The following CHD9 variants were observed in gnomAD, a reference collection of about 807,000 sequenced individuals.
CHD9 encodes the protein chromodomain helicase DNA binding protein 9.
Under a neutral mutation model 316.1 loss-of-function variants are expected in CHD9, and 77 were observed. That is an observed-to-expected ratio of 0.24 (90% confidence interval 0.20 to 0.29). The LOEUF (loss-of-function observed/expected upper bound fraction) is 0.29. Ranked by LOEUF, CHD9 falls within the 10% of genes least tolerant of loss-of-function variation. The probability of loss-of-function intolerance (pLI) is 1.00; values close to 1 mark genes in which losing one functional copy is unlikely to be tolerated. For synonymous variants in CHD9, 1,129 were observed against 1,158.3 expected, an observed-to-expected ratio of 0.97 and a Z score of 0.51; for missense variants, 2,763 against 3,438.1, an observed-to-expected ratio of 0.80 and a Z score of 4.91.
chr16:53,142,022 G>A (rs1285987364), intron 1 of CHD9, among the ~76,000 whole-genome samples: 3 of 152,058 alleles, frequency 2.0e-5, no homozygotes. Flanking sequence ...TTTGGGAAAG[G>A]AATAAAATAG....
intron 22 of CHD9, among the ~76,000 whole-genome samples, chr16:53,269,786 T>G (rs901916623): frequency 1.3e-5 from 2 of 152,104 alleles, no homozygotes; most frequent in Non-Finnish European, 2.9e-5. Flanking sequence ...AAAGATGACT[T>G]TCTGCCCCAA....
In CHD9 at chr16:53,156,815, C is replaced by T. The variant is rs765686560; in HGVS notation, c.726C>T (p.His242=). The part of the protein sequence containing the change: ...SQTSNPSAHF[H]KCSSHQEGNF... ...CGTCAAATCCTTCAGCACACTTCCACAAGTGTAGCAGTCATCAAGAAGGAA... is the reference window on the plus strand; with the variant it reads ...CGTCAAATCCTTCAGCACACTTCCATAAGTGTAGCAGTCATCAAGAAGGAA... The change falls in exon 2 of 39, where the codon CAC becomes CAT. Residue 242 remains histidine, a synonymous_variant. Coordinates refer to ENST00000447540, the MANE Select transcript of CHD9 (RefSeq NM_001308319.2). 4 of 1,613,812 alleles carry T rather than the reference C, an allele frequency of 2.5e-6. No individual in the cohort carries two copies. In the South Asian group the frequency reaches 4.4e-5, roughly 18 times the overall value.
At chr16:53,124,138 T>A (rs2038866489) in intron 1 of CHD9, among the ~76,000 whole-genome samples, 1 of 152,206 alleles carries the variant, frequency 6.6e-6, no homozygotes, top group Non-Finnish European at 1.5e-5. Context: ...TATGTTTAAC[T>A]TTTTGAAGAA....
intron 33 of CHD9, 118 bp from the exon 34 acceptor site, chr16:53,308,568 C>A (rs2056192546): frequency 1.4e-6 from 1 of 694,244 alleles, no homozygotes; most frequent in Non-Finnish European, 2.5e-6. Flanking sequence ...AAATGAACTT[C>A]TTTGATGTTT....
At chr16:53,181,638 C>CT (rs1006421201) in intron 2 of CHD9, among the ~76,000 whole-genome samples, 6 of 151,968 alleles carry the variant, frequency 3.9e-5, no homozygotes, top group Non-Finnish European at 8.8e-5. Flanking sequence ...AATCAAAGTG[C>CT]TTTTTTAACA....
intron 16 of CHD9, among the ~76,000 whole-genome samples, chr16:53,249,479 G>A (rs966479719): frequency 6.6e-6 from 1 of 152,104 alleles, no homozygotes; most frequent in Non-Finnish European, 1.5e-5. Context: ...AGAGTAACAT[G>A]GATTAAGGAC....
At chr16:53,123,811 T>TA (rs2038854933) in intron 1 of CHD9, among the ~76,000 whole-genome samples, 2 of 152,176 alleles carry the variant, frequency 1.3e-5, no homozygotes, top group South Asian at 4.1e-4. Context: ...CTAATTTTTT[T>TA]AAAATTAAAC....
chr16:53,241,515 C>A (rs2049093442), intron 12 of CHD9, among the ~76,000 whole-genome samples: 1 of 152,210 alleles, frequency 6.6e-6, no homozygotes, highest in African/African-American at 2.4e-5. Flanking sequence ...GCCTTCTTAA[C>A]AACTCCACAT....
chr16:53,136,042 T>C (rs1175042180), intron 1 of CHD9, among the ~76,000 whole-genome samples: 1 of 152,094 alleles, frequency 6.6e-6, no homozygotes, highest in Non-Finnish European at 1.5e-5. Flanking sequence ...GCCTGATAAT[T>C]TATAATTTTT....
chr16:53,205,109 G>A (rs2045795327), intron 2 of CHD9, among the ~76,000 whole-genome samples: 1 of 152,152 alleles, frequency 6.6e-6, no homozygotes, highest in East Asian at 1.9e-4. Context: ...CCCCAAGGCT[G>A]GGATTACAGG....
intron 11 of CHD9, among the ~76,000 whole-genome samples, chr16:53,237,982 C>A (rs556704289): frequency 3.7e-4 from 57 of 152,244 alleles, no homozygotes; most frequent in African/African-American, 1.3e-3. Flanking sequence ...CCCTGAAAGG[C>A]AGAGAACATG....
intron 20 of CHD9, 33 bp downstream of exon 20, chr16:53,263,130 C>T (rs964825080): frequency 9.3e-6 from 14 of 1,501,138 alleles, no homozygotes; most frequent in Non-Finnish European, 1.3e-5. Flanking sequence ...AATAAACTTG[C>T]TTTTGGGATA....
intron 1 of CHD9, chr16:53,130,983 G>T (rs970408379): frequency 6.6e-6 from 1 of 152,592 alleles, no homozygotes; most frequent in Non-Finnish European, 1.5e-5. Context: ...GCGGCGCGGG[G>T]GAGGCGGTGC....
At chr16:53,201,634 G>A (rs2045464329) in intron 2 of CHD9, among the ~76,000 whole-genome samples, 1 of 151,976 alleles carries the variant, frequency 6.6e-6, no homozygotes, top group Non-Finnish European at 1.5e-5. Context: ...TTATTATATA[G>A]CATTTCAAGT....
At chr16:53,236,932 A>G (rs9930191) in intron 11 of CHD9, among the ~76,000 whole-genome samples, 126,077 of 151,592 alleles carry the variant, frequency 0.83, 52,724 homozygotes, top group African/African-American at 0.93. Flanking sequence ...TTCATATTAC[A>G]TTTGTTCTCC....
chr16:53,114,424 AT>A (rs201283084), intron 1 of CHD9, among the ~76,000 whole-genome samples: 4,321 of 151,874 alleles, frequency 0.028, 215 homozygotes, highest in African/African-American at 0.099. Context: ...CACCTGGCTA[AT>A]TTTTGTATTT....
intron 1 of CHD9, among the ~76,000 whole-genome samples, chr16:53,092,113 T>TC (rs922535610): frequency 6.6e-5 from 10 of 151,762 alleles, no homozygotes; most frequent in Admixed American, 2.0e-4. Context: ...GGCAAATACT[T>TC]CCCCCCCAGC....
chr16:53,278,861 A>G (rs1470538884), intron 24 of CHD9, among the ~76,000 whole-genome samples: 1 of 152,186 alleles, frequency 6.6e-6, no homozygotes, highest in Non-Finnish European at 1.5e-5. Context: ...AGGAAACAAC[A>G]GGTGCTGGAG....
At chr16:53,190,401 AAT>A (rs1318422289) in intron 2 of CHD9, among the ~76,000 whole-genome samples, 1 of 152,070 alleles carries the variant, frequency 6.6e-6, no homozygotes. Context: ...ATGAGCCTTT[AAT>A]ATGTTAAGCT....
Sources: gnomAD v4.1 joint callset for allele counts (sites outside exome capture counted in the v4.1 genomes callset) on GRCh38, gnomAD v4.1.1 for gene constraint, MANE v1.5 for transcripts, NCBI Gene and HGNC (gene_info 2026-07-23, HGNC 2026-07-21) for gene names.